VPS26B: variants seen among roughly 807,000 people sequenced by gnomAD.
VPS26B encodes the protein vacuolar protein sorting-associated protein 26B.
In VPS26B, 10 loss-of-function variants were observed where a neutral mutation model predicts 33.3. The ratio of observed to expected loss-of-function variants is 0.30; its 90% CI spans 0.19 to 0.51. The LOEUF (loss-of-function observed/expected upper bound fraction) is 0.51. Ranked by LOEUF, VPS26B falls within the 20% of genes least tolerant of loss-of-function variation. VPS26B has a pLI of 0.98. For synonymous variants in VPS26B, 190 were observed against 176.9 expected, an observed-to-expected ratio of 1.07 and a Z score of -0.59; for missense variants, 317 against 452.7, an observed-to-expected ratio of 0.70 and a Z score of 2.72.
chr11:134,231,163 G>A (rs1448533360), intron 1 of VPS26B, among the ~76,000 whole-genome samples: 1 of 151,884 alleles, frequency 6.6e-6, no homozygotes, highest in African/African-American at 2.4e-5. Flanking sequence ...TAGAAGGTCA[G>A]ACATGCGGAG....
chr11:134,225,245 C>T lies in VPS26B; in HGVS notation c.123C>T (p.Tyr41=), dbSNP rs1384326955. The change falls in exon 1 of 6, where the codon TAC becomes TAT. Residue 41 remains tyrosine (Y), a synonymous_variant. Coordinates refer to ENST00000281187, the MANE Select transcript of VPS26B (RefSeq NM_052875.5). The stretch of plus-strand genomic sequence containing the variant: ...AGAAGGAGAAATATTTCCTCTTCTA[C>T]GACGGGGAGACGGTCTCCGGGAAGG... ...DGKKEKYFLF[Y]DGETVSGKVS... 1.9e-6 allele frequency: 3 copies of T among 1,614,166 alleles called. No individual in the cohort carries two copies. Among genetic ancestry groups the T allele is most frequent in the Non-Finnish European group, 2.5e-6 (3 of 1,180,006 alleles).
At chr11:134,234,602 T>C (rs779901268) in intron 1 of VPS26B, among the ~76,000 whole-genome samples, 12 of 152,222 alleles carry the variant, frequency 7.9e-5, no homozygotes, top group Non-Finnish European at 1.6e-4. Flanking sequence ...GCATTTCTTA[T>C]ATTGGCTCCC....
intron 1 of VPS26B, among the ~76,000 whole-genome samples, chr11:134,232,448 A>C (rs1938569753): frequency 6.6e-6 from 1 of 152,228 alleles, no homozygotes; most frequent in Non-Finnish European, 1.5e-5. Flanking sequence ...GTGACTGCAC[A>C]CTGGCCACTC....
chr11:134,227,890 C>T lies in VPS26B; in HGVS notation c.223+2545C>T, dbSNP rs576079078. Among the ~76,000 whole-genome samples, 13 of 152,306 alleles carry T rather than the reference C, an allele frequency of 8.5e-5. No individual in the cohort carries two copies. The South Asian group carries it at 2.1e-3, about 24-fold the overall frequency. On this transcript the variant is annotated intron_variant, in intron 1 of 5. Coordinates refer to ENST00000281187, the MANE Select transcript of VPS26B (RefSeq NM_052875.5). ...CTGGCTTGCTGCTCTTCCTCCTGTA[C>T]CTGTTTTACCTGAAGAAGATCGCCC...
At position 134,245,533 on chromosome 11, in the gene VPS26B, C is replaced by G. The variant is rs781044304; in HGVS notation, c.954C>G (p.Thr318=). The change falls in exon 6 of 6, where the codon ACC becomes ACG. Residue 318 remains threonine, a synonymous_variant. Coordinates refer to ENST00000281187, the MANE Select transcript of VPS26B (RefSeq NM_052875.5). This position sits in a 1 kb window ranked among gnomAD's most constrained non-coding sequence, Gnocchi z 4.7. Reference sequence around the variant, plus strand: ...CCTCACAGCGCTTTGAGGGCACCACCTCCCTGGGTGAGGTGCGGACCCCCA... The same window carrying G: ...CCTCACAGCGCTTTGAGGGCACCACGTCCCTGGGTGAGGTGCGGACCCCCA... ...AIASQRFEGT[T]SLGEVRTPSQ... The G allele has an allele frequency of 5.6e-6, 9 of 1,613,920 alleles. No homozygotes were observed. In the East Asian group the frequency reaches 1.8e-4, roughly 32 times the overall value.
Position 134,225,324 on chromosome 11 carries a change from A to T in VPS26B, c.202A>T (p.Ile68Phe). Reference protein sequence around the residue: ...NKRLEHQGIKIEFIGQIELYY... With the variant: ...NKRLEHQGIKFEFIGQIELYY... ...GCGGCTGGAGCACCAGGGCATCAAGATCGAGTTCATCGGGCAGATCGGTGA... is the reference window on the plus strand; with the variant it reads ...GCGGCTGGAGCACCAGGGCATCAAGTTCGAGTTCATCGGGCAGATCGGTGA... The change falls in exon 1 of 6, where the codon ATC (isoleucine) becomes TTC (phenylalanine). Residue 68 changes from isoleucine to phenylalanine, a missense_variant. Coordinates refer to ENST00000281187, the MANE Select transcript of VPS26B (RefSeq NM_052875.5). 6.2e-7 allele frequency: 1 copy of T among 1,613,690 alleles called. No homozygotes were observed. The highest frequency in any genetic ancestry group is 1.1e-5 in the South Asian group (1 of 91,058).
rs1938803083 is a variant in VPS26B, at chr11:134,245,654, T to TGGGGGC, written c.*73_*78dup. 2.0e-6 allele frequency: 3 copies of TGGGGGC among 1,527,440 alleles called. No individual in the cohort carries two copies. The highest frequency in any genetic ancestry group is 1.8e-6 in the Non-Finnish European group (2 of 1,136,458). The allele number at this position is 1,527,440 out of a possible 1,614,324, so 94.6% of individuals were successfully genotyped here. On this transcript the variant is annotated 3_prime_UTR_variant, in exon 6 of 6. Coordinates refer to ENST00000281187, the MANE Select transcript of VPS26B (RefSeq NM_052875.5). This position sits in a 1 kb window ranked among gnomAD's most constrained non-coding sequence, Gnocchi z 4.7. ...ACCCCCATCTACCAACACCAGCGGC[T>TGGGGGC]GGGGGCGGGGGCGGACCTTGTGAGG... is the stretch of plus-strand genomic sequence containing the variant.
intron 1 of VPS26B, among the ~76,000 whole-genome samples, chr11:134,226,498 G>A (rs905491379): frequency 6.6e-6 from 1 of 152,194 alleles, no homozygotes; most frequent in Non-Finnish European, 1.5e-5. Context: ...AGACTGGGTC[G>A]TCTCCAATTC....
intron 1 of VPS26B, among the ~76,000 whole-genome samples, chr11:134,232,997 C>G (rs1255496730): frequency 6.6e-6 from 1 of 152,196 alleles, no homozygotes; most frequent in East Asian, 1.9e-4. Context: ...CTGGATTGCT[C>G]ACTTTCCACC....
At position 134,234,875 on chromosome 11, in the gene VPS26B, T is replaced by A. The variant is rs761502972; in HGVS notation, c.224-22T>A. 1.9e-6 allele frequency: 3 copies of A among 1,609,772 alleles called. No individual in the cohort carries two copies. The African/African-American group carries it at 4.0e-5, about 22-fold the overall frequency. ...GCTCAGGGTCTGATAAAGGAGGGCG[T>A]CGCATCGCTGTCTCTCACCAGAACT... On this transcript the variant is annotated intron_variant, in intron 1 of 5. Transcript: ENST00000281187.
chr11:134,243,340 T>C (rs750445207), intron 4 of VPS26B, 46 bp downstream of exon 4: 6 of 1,606,032 alleles, frequency 3.7e-6, no homozygotes, highest in East Asian at 2.2e-5. Context: ...TTTTCTCCCA[T>C]GTCCTGCACA....
chr11:134,235,069 T>A lies in VPS26B; in HGVS notation c.380+16T>A. On this transcript the variant is annotated intron_variant, in intron 2 of 5. Transcript: ENST00000281187. ...TGAAGCTACGGTAAGTGATGTCTGC[T>A]GGTTCCCCACTGTACCCTAGAACCT... 2 of 1,611,976 alleles carry A rather than the reference T, an allele frequency of 1.2e-6. No homozygotes were observed. Among genetic ancestry groups the A allele is most frequent in the Non-Finnish European group, 1.7e-6 (2 of 1,178,782 alleles).
At position 134,245,490 on chromosome 11, in the gene VPS26B, C is replaced by T; in HGVS notation, c.911C>T (p.Ser304Phe). The T allele has an allele frequency of 6.2e-7, 1 of 1,613,990 alleles. No individual in the cohort carries two copies. The highest frequency in any genetic ancestry group is 8.5e-7 in the Non-Finnish European group (1 of 1,179,922). ...RKGDIVRKSM[S>F]HQAAIASQRF... Reference sequence around the variant, plus strand: ...GGTGACATCGTACGGAAGAGCATGTCCCACCAGGCGGCCATCGCCTCACAG... The same window carrying T: ...GGTGACATCGTACGGAAGAGCATGTTCCACCAGGCGGCCATCGCCTCACAG... Residue 304 changes from serine to phenylalanine, a missense_variant, in exon 6 of 6, where the codon TCC becomes TTC. Physicochemically the swap from Ser to Phe is radical, Grantham distance 155 (BLOSUM62 -2). Transcript: ENST00000281187. The surrounding 1 kb of genome is among the most constrained non-coding windows in gnomAD (Gnocchi z 4.7).
At chr11:134,241,840 T>C (rs1938730006) in intron 3 of VPS26B, among the ~76,000 whole-genome samples, 1 of 152,176 alleles carries the variant, frequency 6.6e-6, no homozygotes, top group Non-Finnish European at 1.5e-5. Context: ...CACTAAGAAG[T>C]TGGGCGGTCA....
chr11:134,225,521 T>A, intron 1 of VPS26B, 176 bp downstream of exon 1: 1 of 672,718 alleles, frequency 1.5e-6, no homozygotes, highest in Non-Finnish European at 2.6e-6. Context: ...GTTACTGTCC[T>A]CCCTGCCAAA....
chr11:134,237,724 C>T (rs990895852), intron 2 of VPS26B, among the ~76,000 whole-genome samples: 4 of 152,074 alleles, frequency 2.6e-5, no homozygotes, highest in African/African-American at 4.8e-5. Context: ...TTTCACGGGA[C>T]GCAGAATCAA....
intron 2 of VPS26B, among the ~76,000 whole-genome samples, chr11:134,237,216 C>A (rs1234767788): frequency 6.6e-6 from 1 of 152,136 alleles, no homozygotes; most frequent in Non-Finnish European, 1.5e-5. Flanking sequence ...CCATATGTAG[C>A]ATTTGGTGGA....
chr11:134,242,418 A>G (rs1473818763), intron 3 of VPS26B, among the ~76,000 whole-genome samples: 2 of 152,234 alleles, frequency 1.3e-5, no homozygotes, highest in African/African-American at 4.8e-5. Flanking sequence ...TCTGATGTCC[A>G]TGCCAGCATT....
At chr11:134,238,340 C>T (rs1591881390) in intron 2 of VPS26B, among the ~76,000 whole-genome samples, 1 of 152,182 alleles carries the variant, frequency 6.6e-6, no homozygotes, top group South Asian at 2.1e-4. Flanking sequence ...GGAAGGAGCA[C>T]ATTGTAAGTC....
Sources: allele counts gnomAD v4.1 joint callset (sites outside exome capture counted in the v4.1 genomes callset), GRCh38; gene constraint gnomAD v4.1.1; non-coding constraint Gnocchi (gnomAD v3.1); transcripts MANE v1.5; gene names NCBI Gene and HGNC (gene_info 2026-07-23, HGNC 2026-07-21).